PHF11: variants seen among roughly 807,000 people sequenced by gnomAD.
PHF11 encodes BRCA1 C-terminus-associated protein.
PHF11 carries 38 observed loss-of-function variants against 40.5 expected under a neutral mutation model. The ratio of observed to expected loss-of-function variants is 0.94; its 90% CI spans 0.72 to 1.23. PHF11 has a LOEUF of 1.23. Ranked by LOEUF, PHF11 falls within the 50% of genes most tolerant of loss-of-function variation. The pLI is 0.00. For synonymous variants in PHF11, 127 were observed against 138.2 expected, an observed-to-expected ratio of 0.92 and a Z score of 0.57; for missense variants, 369 against 392.4, an observed-to-expected ratio of 0.94 and a Z score of 0.50.
At chr13:49,496,436 C>T in intron 1 of PHF11, 1 of 1,048,810 alleles carries the variant, frequency 9.5e-7, no homozygotes, top group South Asian at 4.6e-5. Flanking sequence ...TCCTAGCGCC[C>T]CTCCGCTCAC....
chr13:49,501,365 T>C (rs1958906013), intron 1 of PHF11, among the ~76,000 whole-genome samples: 1 of 152,142 alleles, frequency 6.6e-6, no homozygotes, highest in Non-Finnish European at 1.5e-5. Context: ...CTGTTTTGAG[T>C]GTCCTTTAAT....
At chr13:49,496,859 GT>G (rs1958821442) in intron 1 of PHF11, among the ~76,000 whole-genome samples, 1 of 120,998 alleles carries the variant, frequency 8.3e-6, no homozygotes, top group African/African-American at 3.0e-5. Context: ...TTTGAGAGGA[GT>G]TTCACTCTTG....
Position 49,526,358 on chromosome 13 carries a change from TAATATTGAA to T in PHF11, c.770-25_770-17del. The T allele has an allele frequency of 5.5e-6, 8 of 1,455,208 alleles. No homozygotes were observed. Among genetic ancestry groups the T allele is most frequent in the Non-Finnish European group, 7.7e-6 (8 of 1,035,800 alleles). 90.1% of individuals were successfully genotyped at this position (1,455,208 alleles called of 1,614,324 possible). On this transcript the variant is annotated intron_variant, in intron 8 of 9. Coordinates refer to ENST00000378319, the MANE Select transcript of PHF11 (RefSeq NM_001040443.3). ...GGAGTTTCTGCCTATACAAACTGTT[TAATATTGAA>T]AATGTTTCTCTCCCTCCAGACTATG...
intron 8 of PHF11, 90 bp downstream of exon 8, chr13:49,524,306 C>T (rs1303257323): frequency 1.0e-6 from 1 of 1,002,898 alleles, no homozygotes; most frequent in African/African-American, 1.7e-5. Flanking sequence ...AAAAAAGGCC[C>T]ATTTTCTTCC....
chr13:49,512,374 G>T (rs1959091787), intron 2 of PHF11, among the ~76,000 whole-genome samples: 1 of 152,096 alleles, frequency 6.6e-6, no homozygotes, highest in African/African-American at 2.4e-5. Flanking sequence ...TTTTTATTTT[G>T]ATGGAATCCA....
chr13:49,510,839 T>G (rs1959072941), intron 2 of PHF11, among the ~76,000 whole-genome samples: 1 of 152,238 alleles, frequency 6.6e-6, no homozygotes, highest in African/African-American at 2.4e-5. Context: ...TTAACTTTAT[T>G]GGCATAATTT....
chr13:49,499,223 T>G (rs7320213), intron 1 of PHF11, among the ~76,000 whole-genome samples: 4,039 of 152,304 alleles, frequency 0.027, 154 homozygotes, highest in African/African-American at 0.088. Flanking sequence ...ACCAGCCCAA[T>G]CTGAACTGAA....
At chr13:49,522,010 G>A in intron 5 of PHF11, 33 bp from the exon 6 acceptor site, 2 of 1,039,994 alleles carry the variant, frequency 1.9e-6, no homozygotes, top group Non-Finnish European at 1.5e-6. Flanking sequence ...TTTCCTTTAT[G>A]GATTCCAATT....
At position 49,509,829 on chromosome 13, in the gene PHF11, C is replaced by T. The variant is rs564257694; in HGVS notation, c.216+3073C>T. On this transcript the variant is annotated intron_variant, in intron 2 of 9. Transcript: ENST00000378319. The stretch of plus-strand genomic sequence containing the variant: ...CATGTGGAATTGTGAGTCCATTAAA[C>T]CTCTTTTTCTTTATAAATTACCCAG... Among the ~76,000 whole-genome samples, 3 of 152,306 alleles carry T rather than the reference C, an allele frequency of 2.0e-5. No individual in the cohort carries two copies. In the South Asian group the frequency reaches 6.2e-4, roughly 32 times the overall value.
intron 4 of PHF11, 24 bp downstream of exon 4, chr13:49,518,175 A>G: frequency 6.5e-7 from 1 of 1,532,922 alleles, no homozygotes; most frequent in African/African-American, 1.4e-5. Flanking sequence ...CATTTTTAAA[A>G]CCACATTTGG....
chr13:49,497,416 C>T (rs930392666), intron 1 of PHF11, among the ~76,000 whole-genome samples: 1 of 152,170 alleles, frequency 6.6e-6, no homozygotes, highest in Non-Finnish European at 1.5e-5. Context: ...CTTGCAAAAA[C>T]CTTAGTGGCT....
Position 49,520,911 on chromosome 13 carries a change from A to G in PHF11, c.476A>G (p.His159Arg). 1.3e-6 allele frequency: 2 copies of G among 1,583,320 alleles called. No individual in the cohort carries two copies. Among genetic ancestry groups the G allele is most frequent in the East Asian group, 2.2e-5 (1 of 44,512 alleles). ...RGIYKLLCQQ[H>R]AQFPIIAQSA... ...TATTTCAGACTGCTTTGCCAGCAACATGCTCAATTCCCGATCATCGCTCAA... is the reference window on the plus strand; with the variant it reads ...TATTTCAGACTGCTTTGCCAGCAACGTGCTCAATTCCCGATCATCGCTCAA... Residue 159 changes from histidine (H) to arginine (R), a missense_variant, in exon 5 of 10, where the codon CAT becomes CGT. Physicochemically the swap from His to Arg is conservative, Grantham distance 29. Transcript: ENST00000378319.
intron 9 of PHF11, among the ~76,000 whole-genome samples, chr13:49,526,856 T>C (rs1413816312): frequency 2.6e-5 from 4 of 152,130 alleles, no homozygotes; most frequent in Non-Finnish European, 4.4e-5. Flanking sequence ...TTTTGGCCTG[T>C]GTGTGGCCCA....
chr13:49,522,461 G>T (rs1594220489), intron 6 of PHF11, among the ~76,000 whole-genome samples: 1 of 152,198 alleles, frequency 6.6e-6, no homozygotes, highest in Admixed American at 6.5e-5. Context: ...GGTGCTTACA[G>T]TTAAAACGGG....
chr13:49,503,439 G>A (rs1022522193), intron 1 of PHF11, among the ~76,000 whole-genome samples: 2 of 152,062 alleles, frequency 1.3e-5, no homozygotes, highest in African/African-American at 2.4e-5. Context: ...TGTTTATTTC[G>A]TAAGCTTCTT....
chr13:49,520,151 C>T (rs1388393567), intron 4 of PHF11, among the ~76,000 whole-genome samples: 2 of 152,176 alleles, frequency 1.3e-5, no homozygotes, highest in South Asian at 2.1e-4. Context: ...TGGGTTCAAG[C>T]GATTCTCCTG....
chr13:49,509,982 C>A (rs528839692), intron 2 of PHF11, among the ~76,000 whole-genome samples: 2 of 152,230 alleles, frequency 1.3e-5, no homozygotes, highest in African/African-American at 4.8e-5. Flanking sequence ...ATTCCTCAAA[C>A]CACTGAGGTT....
chr13:49,520,829 T>C (rs1959184182), intron 4 of PHF11, 65 bp from the exon 5 acceptor site: 2 of 1,140,214 alleles, frequency 1.8e-6, no homozygotes, highest in Non-Finnish European at 1.3e-6. Flanking sequence ...ATCACAAAAA[T>C]AGACATAATA....
In PHF11 at chr13:49,520,916, C is replaced by A. The variant is rs376876588; in HGVS notation, c.481C>A (p.Gln161Lys). The A allele has an allele frequency of 1.3e-6, 2 of 1,583,208 alleles. No homozygotes were observed. The highest frequency in any genetic ancestry group is 8.6e-7 in the Non-Finnish European group (1 of 1,157,834). The part of the protein sequence containing the change: ...IYKLLCQQHA[Q>K]FPIIAQSAKF... ...CAGACTGCTTTGCCAGCAACATGCT[C>A]AATTCCCGATCATCGCTCAAAGTGG... Residue 161 changes from glutamine to lysine, a missense_variant, in exon 5 of 10, where the codon CAA (glutamine) becomes AAA (lysine). Gln to Lys is a moderately conservative substitution (Grantham distance 53). Coordinates refer to ENST00000378319, the MANE Select transcript of PHF11 (RefSeq NM_001040443.3).
Sources: allele counts gnomAD v4.1 joint callset (sites outside exome capture counted in the v4.1 genomes callset), GRCh38; gene constraint gnomAD v4.1.1; transcripts MANE v1.5; gene names NCBI Gene and HGNC (gene_info 2026-07-23, HGNC 2026-07-21).